PLEKHA7: variants seen among roughly 807,000 people sequenced by gnomAD.
PLEKHA7 encodes pleckstrin homology domain-containing family A member 7.
PLEKHA7 carries 104 observed loss-of-function variants against 170.0 expected under a neutral mutation model. The ratio of observed to expected loss-of-function variants is 0.61; its 90% CI spans 0.52 to 0.72. The LOEUF (loss-of-function observed/expected upper bound fraction) is 0.72, where lower values mean the gene tolerates loss of function less well. Among genes scored for constraint, PLEKHA7 ranks in the 30% least tolerant of loss-of-function variants. The pLI, the probability that PLEKHA7 is intolerant of heterozygous loss-of-function variation, is 0.00. For synonymous variants in PLEKHA7, 648 were observed against 660.8 expected (o/e 0.98, Z 0.30); for missense variants, 1,615 against 1,671.7 (o/e 0.97, Z 0.59).
At chr11:16,838,695 T>TTC (rs1249953110) in intron 9 of PLEKHA7, among the ~76,000 whole-genome samples, 1 of 103,628 alleles carries the variant, frequency 9.6e-6, no homozygotes, top group Middle Eastern at 4.3e-3. Context: ...ACAGTTTTCT[T>TTC]TTTTTTTTTT....
intron 9 of PLEKHA7, among the ~76,000 whole-genome samples, chr11:16,829,429 A>C (rs1366443470): frequency 6.6e-6 from 1 of 152,224 alleles, no homozygotes; most frequent in East Asian, 1.9e-4. Context: ...GTGAGGGCCC[A>C]TTCATTGTTA....
chr11:16,805,857 G>A (rs150389226), intron 13 of PLEKHA7, among the ~76,000 whole-genome samples: 62 of 151,914 alleles, frequency 4.1e-4, no homozygotes, highest in African/African-American at 1.4e-3. Flanking sequence ...TGTAGGTTAG[G>A]AATTCAAAGG....
chr11:16,794,872 A>T, intron 18 of PLEKHA7, 38 bp downstream of exon 18: 1 of 900,532 alleles, frequency 1.1e-6, no homozygotes, highest in Non-Finnish European at 1.6e-6. Context: ...CCCTGCCCCC[A>T]ATCAGATCCC....
At chr11:16,924,656 G>C (rs1293909485) in intron 3 of PLEKHA7, among the ~76,000 whole-genome samples, 1 of 152,098 alleles carries the variant, frequency 6.6e-6, no homozygotes, top group Non-Finnish European at 1.5e-5. Context: ...CCCTTCGGGG[G>C]CAGTGCTGGT....
intron 3 of PLEKHA7, among the ~76,000 whole-genome samples, chr11:16,991,285 G>T (rs1282017965): frequency 6.6e-6 from 1 of 152,118 alleles, no homozygotes; most frequent in African/African-American, 2.4e-5. Flanking sequence ...TATTTTTTAG[G>T]ACCTACTTAT....
chr11:16,931,514 G>A (rs1859920626), intron 3 of PLEKHA7, among the ~76,000 whole-genome samples: 1 of 152,116 alleles, frequency 6.6e-6, no homozygotes. Flanking sequence ...CTTCAGGTCA[G>A]GAGTTCAAGA....
chr11:16,972,050 A>T (rs4757460), intron 3 of PLEKHA7, among the ~76,000 whole-genome samples: 110,505 of 151,890 alleles, frequency 0.73, 40,454 homozygotes, highest in East Asian at 0.87. Context: ...CTTGGACTCC[A>T]GGCCTCAAGT....
chr11:16,861,497 A>T (rs896221900), intron 4 of PLEKHA7, among the ~76,000 whole-genome samples: 1 of 152,024 alleles, frequency 6.6e-6, no homozygotes, highest in Non-Finnish European at 1.5e-5. Context: ...AAAAATACAA[A>T]AATTAGCCGA....
In PLEKHA7 at chr11:16,854,396, A is replaced by G. The variant is rs1488975649; in HGVS notation, c.522+493T>C. Among the ~76,000 whole-genome samples the G allele has an allele frequency of 3.0e-4, 45 of 152,196 alleles. 1 individual carries two copies. The highest frequency in any genetic ancestry group is 2.9e-3 in the Admixed American group (45 of 15,284). On this transcript the variant is annotated intron_variant, in intron 6 of 26. Transcript: ENST00000531066. Reference sequence around the variant, plus strand: ...TGGTGGTACCATTACTAAGATCCGGAAAAAGCAGTCTTGGGGAAATGGCAG... The same window carrying G: ...TGGTGGTACCATTACTAAGATCCGGGAAAAGCAGTCTTGGGGAAATGGCAG...
At chr11:16,955,521 C>T (rs1861645662) in intron 3 of PLEKHA7, among the ~76,000 whole-genome samples, 4 of 152,264 alleles carry the variant, frequency 2.6e-5, no homozygotes, top group Middle Eastern at 3.4e-3. Context: ...AGTAGAGGTT[C>T]AGTTAGGTGT....
chr11:16,931,765 C>CG (rs1565129051), intron 3 of PLEKHA7, among the ~76,000 whole-genome samples: 2 of 140,898 alleles, frequency 1.4e-5, no homozygotes, highest in African/African-American at 5.5e-5. Context: ...TCCCCCCCCC[C>CG]CCAAAAAAAA....
chr11:16,841,906 C>G (rs2135268616), intron 8 of PLEKHA7, among the ~76,000 whole-genome samples, 184 bp from the exon 9 acceptor site: 1 of 151,296 alleles, frequency 6.6e-6, no homozygotes, highest in East Asian at 1.9e-4. Context: ...GGCCCAGTGA[C>G]AGCTGTCTGT....
chr11:16,984,183 T>C (rs1329608554), intron 3 of PLEKHA7, among the ~76,000 whole-genome samples: 2 of 152,190 alleles, frequency 1.3e-5, no homozygotes, highest in African/African-American at 4.8e-5. Context: ...AATCAGTCTA[T>C]TCTACGTACA....
Position 17,013,986 on chromosome 11 carries a change from C to T in PLEKHA7, c.221+3G>A, listed in dbSNP as rs751359295. ...TGCGAGCGCGGCGGCCCCACTCACTCACTCGATGAAGTAGCTGGCGCCCTC... is the reference window on the plus strand; with the variant it reads ...TGCGAGCGCGGCGGCCCCACTCACTTACTCGATGAAGTAGCTGGCGCCCTC... On this transcript the variant is annotated splice_donor_region_variant and intron_variant, in intron 3 of 26. Transcript: ENST00000531066. 89 of 1,541,726 alleles carry T rather than the reference C, an allele frequency of 5.8e-5. 2 individuals are homozygous for T. Among genetic ancestry groups the T allele is most frequent in the South Asian group, 5.0e-4 (42 of 83,428 alleles).
At chr11:17,006,095 G>A (rs989977055) in intron 3 of PLEKHA7, among the ~76,000 whole-genome samples, 2 of 152,172 alleles carry the variant, frequency 1.3e-5, no homozygotes, top group Non-Finnish European at 2.9e-5. Context: ...ATAAGGCTGG[G>A]CATGGTGGCT....
intron 3 of PLEKHA7, among the ~76,000 whole-genome samples, chr11:16,951,255 C>A (rs903148656): frequency 6.6e-6 from 1 of 152,142 alleles, no homozygotes; most frequent in Non-Finnish European, 1.5e-5. Flanking sequence ...CCTTCAGCCT[C>A]CTCCATGCAG....
At chr11:17,009,257 T>A (rs1865185475) in intron 3 of PLEKHA7, among the ~76,000 whole-genome samples, 1 of 152,184 alleles carries the variant, frequency 6.6e-6, no homozygotes, top group African/African-American at 2.4e-5. Context: ...AGTTTCATCA[T>A]CTGAAGAATG....
chr11:16,829,472 G>A (rs1033616656), intron 9 of PLEKHA7, among the ~76,000 whole-genome samples: 2 of 152,156 alleles, frequency 1.3e-5, no homozygotes, highest in African/African-American at 4.8e-5. Context: ...CCAGTAGGAG[G>A]AAAATACGGG....
intron 3 of PLEKHA7, among the ~76,000 whole-genome samples, chr11:16,960,263 C>T (rs1307598725): frequency 6.6e-6 from 1 of 152,242 alleles, no homozygotes; most frequent in African/African-American, 2.4e-5. Flanking sequence ...GTCCAGGACT[C>T]AAGTCCCACC....
Sources: gnomAD v4.1 joint callset for allele counts (sites outside exome capture counted in the v4.1 genomes callset) on GRCh38, gnomAD v4.1.1 for gene constraint, MANE v1.5 for transcripts, NCBI Gene and HGNC (gene_info 2026-07-23, HGNC 2026-07-21) for gene names.